The following OSBPL8 variants were observed in gnomAD, a reference collection of about 807,000 sequenced individuals.
OSBPL8 encodes oxysterol binding protein like 8, also known as oxysterol-binding protein-related protein 8.
In OSBPL8, 59 loss-of-function variants were observed where a neutral mutation model predicts 125.5. The observed-to-expected ratio is 0.47, with a 90% CI of 0.38 to 0.58. OSBPL8 has a LOEUF of 0.58. Among genes scored for constraint, OSBPL8 ranks in the 20% least tolerant of loss-of-function variants. The probability of loss-of-function intolerance (pLI) is 0.00; values close to 1 mark genes in which losing one functional copy is unlikely to be tolerated. For synonymous variants in OSBPL8, 330 were observed against 338.9 expected (o/e 0.97, Z 0.29); for missense variants, 758 against 1,047.8 (o/e 0.72, Z 3.82).
In OSBPL8 at chr12:76,555,769, G is replaced by C. The variant is rs555042358; in HGVS notation, c.-68+3628C>G. The stretch of plus-strand genomic sequence containing the variant: ...CAATTCAAATTTTCTGACCCTTATC[G>C]TACTTCCAAAACTCAAGTACTGTCA... On this transcript the variant is annotated intron_variant, in intron 1 of 23. Transcript: ENST00000261183. Among the ~76,000 whole-genome samples, 16 of 152,278 alleles carry C rather than the reference G, an allele frequency of 1.1e-4. No homozygotes were observed. The South Asian group carries it at 3.3e-3, about 32-fold the overall frequency.
At chr12:76,528,649 G>C (rs1950246226) in intron 1 of OSBPL8, among the ~76,000 whole-genome samples, 1 of 151,878 alleles carries the variant, frequency 6.6e-6, no homozygotes, top group African/African-American at 2.4e-5. Flanking sequence ...ACAAGCCAAA[G>C]AAGATAAGGA....
chr12:76,493,116 G>A (rs909290592), intron 1 of OSBPL8, among the ~76,000 whole-genome samples: 1 of 152,120 alleles, frequency 6.6e-6, no homozygotes, highest in South Asian at 2.1e-4. Context: ...CTGTGAGCAA[G>A]TCCATTGCCT....
At chr12:76,418,312 A>G (rs1480612934) in intron 4 of OSBPL8, among the ~76,000 whole-genome samples, 1 of 151,980 alleles carries the variant, frequency 6.6e-6, no homozygotes, top group Admixed American at 6.6e-5. Context: ...GCCGATTTTC[A>G]CTACTTTCTT....
At chr12:76,394,513 C>T (rs1953711200) in intron 9 of OSBPL8, 132 bp downstream of exon 9, 2 of 662,910 alleles carry the variant, frequency 3.0e-6, no homozygotes, top group Non-Finnish European at 5.1e-6. Context: ...GCATTCAAAA[C>T]AATTTATGAT....
Position 76,352,218 on chromosome 12 carries a change from G to A in OSBPL8, c.*3671C>T, listed in dbSNP as rs1951849335. ...TCTTTAAGTGAAAAATTTTGATACT[G>A]TAAAACAGTTTTACATAATAAATGC... On this transcript the variant is annotated 3_prime_UTR_variant, in exon 24 of 24. Coordinates refer to ENST00000261183, the MANE Select transcript of OSBPL8 (RefSeq NM_020841.5). The A allele has an allele frequency of 6.6e-6, 1 of 152,400 alleles. No homozygotes were observed. Among genetic ancestry groups the A allele is most frequent in the Middle Eastern group, 3.4e-3 (1 of 294 alleles). The allele number at this position is 152,400 out of a possible 1,614,324, so 9.4% of individuals were successfully genotyped here.
At chr12:76,552,660 G>A (rs1401262509) in intron 1 of OSBPL8, among the ~76,000 whole-genome samples, 1 of 151,950 alleles carries the variant, frequency 6.6e-6, no homozygotes, top group Non-Finnish European at 1.5e-5. Flanking sequence ...AAGAACCATG[G>A]AAAACTCACA....
intron 15 of OSBPL8, among the ~76,000 whole-genome samples, chr12:76,379,174 T>C (rs1271110083): frequency 1.3e-5 from 2 of 152,196 alleles, no homozygotes; most frequent in African/African-American, 2.4e-5. Flanking sequence ...CCTAATTTTC[T>C]TTTTTGAATA....
intron 17 of OSBPL8, 173 bp from the exon 18 acceptor site, chr12:76,373,606 C>T (rs546903937): frequency 2.1e-6 from 1 of 472,166 alleles, no homozygotes; most frequent in African/African-American, 2.0e-5. Context: ...AATAAGAAAT[C>T]TGAATTGCTG....
intron 5 of OSBPL8, among the ~76,000 whole-genome samples, chr12:76,408,190 G>A (rs1203635267): frequency 2.0e-5 from 3 of 149,108 alleles, no homozygotes; most frequent in Non-Finnish European, 4.5e-5. Flanking sequence ...GGCCGGGCAC[G>A]GTGACTCACG....
chr12:76,510,474 C>T (rs1006068061), intron 1 of OSBPL8, among the ~76,000 whole-genome samples: 3 of 152,100 alleles, frequency 2.0e-5, no homozygotes, highest in Non-Finnish European at 4.4e-5. Context: ...ATTTCATTTC[C>T]CATTATCTCT....
chr12:76,492,560 G>A (rs1878831773), intron 1 of OSBPL8, among the ~76,000 whole-genome samples: 2 of 152,148 alleles, frequency 1.3e-5, no homozygotes, highest in Non-Finnish European at 2.9e-5. Context: ...CCCATAATTT[G>A]CATTACCACC....
chr12:76,528,224 G>A (rs557829316), intron 1 of OSBPL8, among the ~76,000 whole-genome samples: 2 of 151,894 alleles, frequency 1.3e-5, no homozygotes, highest in Non-Finnish European at 2.9e-5. Flanking sequence ...GGGATGCTGA[G>A]GCAGGAGAAT....
At chr12:76,465,175 C>G (rs1292500307) in intron 2 of OSBPL8, among the ~76,000 whole-genome samples, 1 of 152,136 alleles carries the variant, frequency 6.6e-6, no homozygotes, top group East Asian at 1.9e-4. Flanking sequence ...TCTGGCCTGC[C>G]AAGCAGATAT....
At chr12:76,508,106 G>A (rs1880599928) in intron 1 of OSBPL8, among the ~76,000 whole-genome samples, 1 of 151,786 alleles carries the variant, frequency 6.6e-6, no homozygotes, top group South Asian at 2.1e-4. Flanking sequence ...GGGAGGCGGA[G>A]GTTGCAGTGA....
chr12:76,357,755 T>C (rs1177024347), intron 22 of OSBPL8, among the ~76,000 whole-genome samples: 6 of 152,228 alleles, frequency 3.9e-5, no homozygotes, highest in Non-Finnish European at 8.8e-5. Context: ...TGTCATCTAA[T>C]TTCTTAGTAA....
In OSBPL8 at chr12:76,369,309, A is replaced by C; in HGVS notation, c.2241-8T>G. 1 of 1,541,646 alleles carries C rather than the reference A, an allele frequency of 6.5e-7. No individual in the cohort carries two copies. The highest frequency in any genetic ancestry group is 8.7e-7 in the Non-Finnish European group (1 of 1,153,542). On this transcript the variant is annotated splice_region_variant and splice_polypyrimidine_tract_variant and intron_variant, in intron 20 of 23. Coordinates refer to ENST00000261183, the MANE Select transcript of OSBPL8 (RefSeq NM_020841.5). ...GGGTCCCATGGTCGGGTACTACATA[A>C]ATGAAAAAAAAAAAAACCATTTGCT...
At chr12:76,506,303 G>C (rs1361112990) in intron 1 of OSBPL8, among the ~76,000 whole-genome samples, 1 of 152,170 alleles carries the variant, frequency 6.6e-6, no homozygotes, top group African/African-American at 2.4e-5. Flanking sequence ...TAAGACATCT[G>C]AATACAGATA....
intron 1 of OSBPL8, among the ~76,000 whole-genome samples, chr12:76,518,190 G>C (rs780482385): frequency 6.6e-6 from 1 of 152,166 alleles, no homozygotes; most frequent in Non-Finnish European, 1.5e-5. Context: ...ATCAAAACAA[G>C]ATACATTGGT....
intron 4 of OSBPL8, among the ~76,000 whole-genome samples, chr12:76,448,754 C>A (rs947092748): frequency 1.3e-5 from 2 of 152,196 alleles, no homozygotes; most frequent in Non-Finnish European, 2.9e-5. Flanking sequence ...GTGGCTCACG[C>A]CTGTAATCCC....
Sources: gnomAD v4.1 joint callset for allele counts (sites outside exome capture counted in the v4.1 genomes callset) on GRCh38, gnomAD v4.1.1 for gene constraint, MANE v1.5 for transcripts, NCBI Gene and HGNC (gene_info 2026-07-23, HGNC 2026-07-21) for gene names.